Variants in NEK11 observed in about 807,000 individuals in gnomAD.
NEK11 encodes the protein serine/threonine-protein kinase Nek11.
Under a neutral mutation model 80.7 loss-of-function variants are expected in NEK11, and 72 were observed. The ratio of observed to expected loss-of-function variants is 0.89; its 90% CI spans 0.74 to 1.08. The LOEUF (loss-of-function observed/expected upper bound fraction) is 1.08, where lower values mean the gene tolerates loss of function less well. NEK11 is among the 50% of genes least tolerant of loss of function. NEK11 has a pLI of 0.00. For synonymous variants in NEK11, 251 were observed against 260.7 expected (o/e 0.96, Z 0.36); for missense variants, 764 against 763.6 (o/e 1.00, Z -0.01).
At chr3:131,074,896 G>C (rs1476510889) in intron 3 of NEK11, among the ~76,000 whole-genome samples, 1 of 152,176 alleles carries the variant, frequency 6.6e-6, no homozygotes, top group East Asian at 1.9e-4. Context: ...ATGGGACTGA[G>C]CTCTCTTGGA....
chr3:131,034,513 C>T (rs1322464301), intron 3 of NEK11, among the ~76,000 whole-genome samples: 1 of 152,158 alleles, frequency 6.6e-6, no homozygotes, highest in Non-Finnish European at 1.5e-5. Context: ...CATTCTCCTG[C>T]CTCAGCCTCC....
At chr3:131,165,186 C>A in intron 11 of NEK11, 1 of 426,020 alleles carries the variant, frequency 2.3e-6, no homozygotes, top group South Asian at 3.4e-5. Flanking sequence ...ACTGCCTTCT[C>A]CTGCTGCTGC....
At chr3:131,200,852 T>G (rs2094199915) in intron 14 of NEK11, among the ~76,000 whole-genome samples, 3 of 152,240 alleles carry the variant, frequency 2.0e-5, no homozygotes. Context: ...TCTCAGTGAT[T>G]GGCTTTCTGT....
intron 15 of NEK11, among the ~76,000 whole-genome samples, chr3:131,235,916 C>A (rs189000918): frequency 1.3e-5 from 2 of 152,278 alleles, no homozygotes; most frequent in East Asian, 3.9e-4. Context: ...AAAGGAGATT[C>A]TTGGGACCTA....
At chr3:131,126,246 A>C (rs2083307507) in intron 5 of NEK11, among the ~76,000 whole-genome samples, 2 of 152,166 alleles carry the variant, frequency 1.3e-5, no homozygotes, top group African/African-American at 4.8e-5. Context: ...AAACTAGTTT[A>C]GATTTCCCCA....
chr3:131,030,135 A>T (rs1027615237), intron 3 of NEK11, among the ~76,000 whole-genome samples: 1 of 151,974 alleles, frequency 6.6e-6, no homozygotes, highest in African/African-American at 2.4e-5. Flanking sequence ...AGCTACTTGG[A>T]GGTTGAGGCA....
intron 16 of NEK11, among the ~76,000 whole-genome samples, chr3:131,260,805 G>A (rs2095904402): frequency 6.6e-6 from 1 of 152,122 alleles, no homozygotes; most frequent in African/African-American, 2.4e-5. Flanking sequence ...AGGAAATTCA[G>A]AGCAAGACGA....
chr3:131,084,345 G>T (rs1224715050), intron 4 of NEK11, among the ~76,000 whole-genome samples: 1 of 152,120 alleles, frequency 6.6e-6, no homozygotes, highest in Non-Finnish European at 1.5e-5. Flanking sequence ...TTACCTCTTG[G>T]TTCCAGCTGC....
At chr3:131,138,244 C>T (rs551395283) in intron 7 of NEK11, among the ~76,000 whole-genome samples, 8 of 152,276 alleles carry the variant, frequency 5.3e-5, no homozygotes, top group Middle Eastern at 3.4e-3. Context: ...GTCCTTAGGC[C>T]TTAATTGAGC....
intron 14 of NEK11, among the ~76,000 whole-genome samples, chr3:131,171,237 G>A (rs114554480): frequency 6.6e-6 from 1 of 152,316 alleles, no homozygotes; most frequent in Non-Finnish European, 1.5e-5. Context: ...GGTTCTTCCA[G>A]TTGTCATAAA....
intron 14 of NEK11, among the ~76,000 whole-genome samples, chr3:131,179,218 C>T (rs2093212639): frequency 6.6e-6 from 1 of 152,206 alleles, no homozygotes; most frequent in African/African-American, 2.4e-5. Context: ...TACCACACAA[C>T]CGAACCTGCT....
chr3:131,156,101 T>A (rs1349477891), intron 10 of NEK11, among the ~76,000 whole-genome samples: 1 of 152,232 alleles, frequency 6.6e-6, no homozygotes, highest in African/African-American at 2.4e-5. Context: ...GTTATAAAAC[T>A]GACACTGTTT....
Position 131,285,092 on chromosome 3 carries a change from C to T in NEK11, c.1718+11518C>T, listed in dbSNP as rs143415692. On this transcript the variant is annotated intron_variant, in intron 17 of 17. Transcript: ENST00000383366. ...ACTTTTTTGAAAATTTGAAAGCTAG[C>T]AATAAAAGCCTCATGTCACAAGGAC... 2.1e-3 allele frequency among the ~76,000 whole-genome samples: 317 copies of T among 152,314 alleles called. 2 individuals carry two copies. Among genetic ancestry groups the T allele is most frequent in the African/African-American group, 7.4e-3 (307 of 41,576 alleles).
chr3:131,309,034 G>C (rs1281770464), intron 17 of NEK11, among the ~76,000 whole-genome samples: 2 of 152,194 alleles, frequency 1.3e-5, no homozygotes, highest in Non-Finnish European at 2.9e-5. Context: ...AGGTGGTAAT[G>C]CTCTCTCACC....
chr3:131,035,367 T>C (rs897280903), intron 3 of NEK11, among the ~76,000 whole-genome samples: 3 of 152,156 alleles, frequency 2.0e-5, no homozygotes, highest in African/African-American at 7.2e-5. Context: ...AAGAAAAAGA[T>C]AATTAAAAAA....
intron 4 of NEK11, chr3:131,109,310 A>C (rs2079689586): frequency 1.3e-5 from 2 of 152,444 alleles, no homozygotes; most frequent in Admixed American, 1.3e-4. Flanking sequence ...GGGCCTGAGC[A>C]GAGTCAAGGA....
intron 17 of NEK11, among the ~76,000 whole-genome samples, chr3:131,332,084 T>A (rs934155704): frequency 4.6e-5 from 7 of 152,158 alleles, no homozygotes; most frequent in African/African-American, 1.4e-4. Context: ...GAATTAAACG[T>A]CCCGGTCTGA....
chr3:131,184,007 C>T (rs112178077), intron 14 of NEK11, among the ~76,000 whole-genome samples: 13 of 152,266 alleles, frequency 8.5e-5, no homozygotes, highest in African/African-American at 1.7e-4. Context: ...AGGAACTCCA[C>T]GATTCTTTGG....
chr3:131,049,648 C>T (rs1340039829), intron 3 of NEK11, among the ~76,000 whole-genome samples: 3 of 152,130 alleles, frequency 2.0e-5, no homozygotes, highest in African/African-American at 4.8e-5. Context: ...TTCTACTAAA[C>T]GGTATCTATT....
Sources: allele counts gnomAD v4.1 joint callset (sites outside exome capture counted in the v4.1 genomes callset), GRCh38; gene constraint gnomAD v4.1.1; transcripts MANE v1.5; gene names NCBI Gene and HGNC (gene_info 2026-07-23, HGNC 2026-07-21).